NBEA: variants seen among roughly 807,000 people sequenced by gnomAD.
NBEA encodes neurobeachin.
Under a neutral mutation model 343.4 loss-of-function variants are expected in NBEA, and 44 were observed. The observed-to-expected ratio is 0.13, with a 90% CI of 0.10 to 0.16. NBEA has a LOEUF of 0.16. Among genes scored for constraint, NBEA ranks in the 10% least tolerant of loss-of-function variants. The pLI, the probability that NBEA is intolerant of heterozygous loss-of-function variation, is 1.00. For synonymous variants in NBEA, 1,175 were observed against 1,238.7 expected, an observed-to-expected ratio of 0.95 and a Z score of 1.08; for missense variants, 2,555 against 3,631.3, an observed-to-expected ratio of 0.70 and a Z score of 7.62.
chr13:34,977,979 AT>A (rs869287903), intron 1 of NBEA, among the ~76,000 whole-genome samples: 8 of 150,232 alleles, frequency 5.3e-5, no homozygotes, highest in East Asian at 2.0e-4. Context: ...GATTAAAAAA[AT>A]TTTTTTTTTA....
chr13:35,155,469 C>T (rs1009029532), intron 18 of NBEA, among the ~76,000 whole-genome samples: 2 of 151,802 alleles, frequency 1.3e-5, no homozygotes, highest in African/African-American at 4.8e-5. Flanking sequence ...ACTAAAAATA[C>T]AAAAAATTAG....
intron 35 of NBEA, among the ~76,000 whole-genome samples, chr13:35,303,912 A>G (rs1374141458): frequency 6.6e-6 from 1 of 152,160 alleles, no homozygotes; most frequent in Non-Finnish European, 1.5e-5. Flanking sequence ...GCCCAGTACA[A>G]TGACTTTCCT....
At chr13:35,631,663 T>C (rs923687994) in intron 49 of NBEA, among the ~76,000 whole-genome samples, 7 of 129,158 alleles carry the variant, frequency 5.4e-5, no homozygotes, top group Admixed American at 3.7e-4. Flanking sequence ...AAAAAAAAAT[T>C]CTACTACTTG....
intron 30 of NBEA, among the ~76,000 whole-genome samples, chr13:35,190,985 G>A (rs1026899403): frequency 6.6e-6 from 1 of 152,110 alleles, no homozygotes; most frequent in Non-Finnish European, 1.5e-5. Context: ...GTTGAAAATT[G>A]TAATAACTGA....
At chr13:35,041,329 G>C (rs1217493958) in intron 2 of NBEA, among the ~76,000 whole-genome samples, 165 bp downstream of exon 2, 1 of 151,998 alleles carries the variant, frequency 6.6e-6, no homozygotes, top group East Asian at 1.9e-4. Flanking sequence ...AACCTGAAGA[G>C]TGCAAGAAGA....
At chr13:34,943,975 T>A (rs1346379784) in intron 1 of NBEA, among the ~76,000 whole-genome samples, 1 of 152,210 alleles carries the variant, frequency 6.6e-6, no homozygotes, top group Non-Finnish European at 1.5e-5. Context: ...GTTTAAGATG[T>A]CAGGGAAAGA....
intron 33 of NBEA, among the ~76,000 whole-genome samples, chr13:35,219,825 T>C (rs1416813560): frequency 6.6e-6 from 1 of 152,154 alleles, no homozygotes; most frequent in Non-Finnish European, 1.5e-5. Flanking sequence ...AGAAGGAGTT[T>C]GCTCAACTTT....
At chr13:35,093,627 A>G (rs2065192535) in intron 10 of NBEA, among the ~76,000 whole-genome samples, 1 of 151,998 alleles carries the variant, frequency 6.6e-6, no homozygotes, top group South Asian at 2.1e-4. Context: ...GAGTATGCAT[A>G]AATAGTTAAG....
intron 1 of NBEA, among the ~76,000 whole-genome samples, chr13:35,024,510 G>GA (rs200610577): frequency 9.5e-5 from 14 of 147,296 alleles, no homozygotes; most frequent in African/African-American, 2.3e-4. Flanking sequence ...TGTCTCCACT[G>GA]AAAAAAAAAC....
intron 34 of NBEA, among the ~76,000 whole-genome samples, chr13:35,266,304 A>G (rs966322468): frequency 5.9e-5 from 9 of 152,016 alleles, no homozygotes; most frequent in African/African-American, 2.2e-4. Context: ...TAAAAACAGA[A>G]CTACCATATG....
intron 49 of NBEA, among the ~76,000 whole-genome samples, chr13:35,645,494 G>A (rs1237201171): frequency 1.3e-5 from 2 of 152,008 alleles, no homozygotes; most frequent in African/African-American, 4.8e-5. Flanking sequence ...CAGTTTGAGG[G>A]CTAAAATTAT....
intron 38 of NBEA, among the ~76,000 whole-genome samples, chr13:35,371,909 C>T (rs1270208203): frequency 1.3e-5 from 2 of 152,130 alleles, no homozygotes; most frequent in Non-Finnish European, 1.5e-5. Flanking sequence ...TCCTCAGCAG[C>T]TTAGGGTGTA....
intron 10 of NBEA, among the ~76,000 whole-genome samples, chr13:35,085,405 C>T (rs1264198554): frequency 1.3e-5 from 2 of 152,118 alleles, no homozygotes; most frequent in South Asian, 2.1e-4. Context: ...TGGCTTCATC[C>T]CTGGGATGCA....
At chr13:34,975,420 G>T (rs930597296) in intron 1 of NBEA, among the ~76,000 whole-genome samples, 1 of 152,156 alleles carries the variant, frequency 6.6e-6, no homozygotes, top group African/African-American at 2.4e-5. Context: ...GTAGAAGAAT[G>T]AAACTGGATC....
intron 10 of NBEA, among the ~76,000 whole-genome samples, chr13:35,073,460 T>C (rs1035800379): frequency 4.6e-5 from 7 of 152,178 alleles, no homozygotes; most frequent in African/African-American, 1.7e-4. Flanking sequence ...TAAGCTCAAA[T>C]ATAAGTTACT....
intron 38 of NBEA, among the ~76,000 whole-genome samples, chr13:35,373,434 G>A (rs551960079): frequency 3.9e-5 from 6 of 152,150 alleles, no homozygotes; most frequent in Admixed American, 6.5e-5. Flanking sequence ...GGCCAGGCAC[G>A]GTGGCTTACA....
At chr13:35,460,965 G>A (rs913500570) in intron 40 of NBEA, among the ~76,000 whole-genome samples, 4 of 152,138 alleles carry the variant, frequency 2.6e-5, no homozygotes, top group African/African-American at 9.7e-5. Flanking sequence ...AGGGGCTGAG[G>A]GAACTCACAT....
In NBEA at chr13:35,517,227, G is replaced by A. The variant is rs186207139; in HGVS notation, c.6586-33250G>A. Among the ~76,000 whole-genome samples, 14 of 152,090 alleles carry A rather than the reference G, an allele frequency of 9.2e-5. No individual in the cohort carries two copies. The East Asian group carries it at 1.4e-3, about 15-fold the overall frequency. ...CCCTGGCCACTCTTCCGTCGGCCTC[G>A]CCCTCAATATTCTCCCATCCCCAAA... On this transcript the variant is annotated intron_variant, in intron 41 of 58. Transcript: ENST00000379939.
intron 34 of NBEA, among the ~76,000 whole-genome samples, chr13:35,257,266 A>C (rs1443367200): frequency 1.3e-5 from 2 of 152,258 alleles, no homozygotes; most frequent in African/African-American, 4.8e-5. Context: ...TCAAATTGTC[A>C]TTAAATACTG....
Sources: allele counts gnomAD v4.1 joint callset (sites outside exome capture counted in the v4.1 genomes callset), GRCh38; gene constraint gnomAD v4.1.1; transcripts MANE v1.5; gene names NCBI Gene and HGNC (gene_info 2026-07-23, HGNC 2026-07-21).